Variants in EP300 observed in about 807,000 individuals in gnomAD.
The protein encoded by EP300 is histone acetyltransferase p300.
EP300 carries 31 observed loss-of-function variants against 264.0 expected under a neutral mutation model. The ratio of observed to expected loss-of-function variants is 0.12; its 90% CI spans 0.09 to 0.16. The LOEUF is 0.16. Among genes scored for constraint, EP300 ranks in the 10% least tolerant of loss-of-function variants. EP300 has a pLI of 1.00. For synonymous variants in EP300, 1,340 were observed against 1,045.4 expected (o/e 1.28, Z -5.44); for missense variants, 2,766 against 3,052.9 (o/e 0.91, Z 2.21).
chr22:41,109,884 G>T (rs1212462745), intron 1 of EP300, among the ~76,000 whole-genome samples: 1 of 151,490 alleles, frequency 6.6e-6, no homozygotes, highest in East Asian at 1.9e-4. Flanking sequence ...CGTGATCTCA[G>T]CTAAACGGAA....
chr22:41,115,593 C>G (rs1222020067), intron 1 of EP300, among the ~76,000 whole-genome samples: 1 of 152,156 alleles, frequency 6.6e-6, no homozygotes, highest in South Asian at 2.1e-4. Flanking sequence ...CCACCACACC[C>G]AGCCGACTTT....
intron 2 of EP300, among the ~76,000 whole-genome samples, chr22:41,121,481 G>A (rs1268165952): frequency 1.3e-5 from 2 of 152,146 alleles, no homozygotes; most frequent in Non-Finnish European, 2.9e-5. Flanking sequence ...ATCTGTGTGG[G>A]AGATGGAAAA....
At chr22:41,117,848 C>T (rs749273177) in intron 2 of EP300, 27 bp downstream of exon 2, 1 of 1,612,948 alleles carries the variant, frequency 6.2e-7, no homozygotes, top group Non-Finnish European at 8.5e-7. Context: ...TTTGTGTGCA[C>T]AATCGGCATG....
At position 41,176,753 on chromosome 22, in the gene EP300, A is replaced by T. The variant is rs776301376; in HGVS notation, c.5062-20A>T. 6.2e-7 allele frequency: 1 copy of T among 1,613,738 alleles called. No homozygotes were observed. The highest frequency in any genetic ancestry group is 8.5e-7 in the Non-Finnish European group (1 of 1,180,026). On this transcript the variant is annotated intron_variant, in intron 30 of 30. Transcript: ENST00000263253. Reference sequence around the variant, plus strand: ...CTTAAATCTTGGAGAGTTTACGTGCACCTCCTGTTTTTTCCCTAGGATTAT... The same window carrying T: ...CTTAAATCTTGGAGAGTTTACGTGCTCCTCCTGTTTTTTCCCTAGGATTAT...
intron 1 of EP300, among the ~76,000 whole-genome samples, chr22:41,098,435 G>A (rs989908492): frequency 1.1e-4 from 17 of 152,234 alleles, no homozygotes; most frequent in Non-Finnish European, 2.4e-4. Flanking sequence ...GCAGTGGCGC[G>A]ATCTCGGGTC....
rs1199436663 is a variant in EP300, at chr22:41,173,805, G to GT, written c.4779+23dup. Reference sequence around the variant, plus strand: ...AAGAGGTAAGATGCAGCCACCCAGAGTTGGGGAAAAACGGCAAGATTTCTG... The same window carrying GT: ...AAGAGGTAAGATGCAGCCACCCAGAGTTTGGGGAAAAACGGCAAGATTTCTG... On this transcript the variant is annotated intron_variant, in intron 29 of 30. Transcript: ENST00000263253. The GT allele has an allele frequency of 1.9e-6, 3 of 1,613,736 alleles. No individual in the cohort carries two copies. The South Asian group carries it at 3.3e-5, about 18-fold the overall frequency.
At position 41,167,820 on chromosome 22, in the gene EP300, T is replaced by G. The variant is rs866257741; in HGVS notation, c.3875-629T>G. Among the ~76,000 whole-genome samples the G allele has an allele frequency of 7.7e-3, 341 of 44,178 alleles. 6 individuals are homozygous for G. The highest frequency in any genetic ancestry group is 0.03 in the African/African-American group (324 of 10,874). 29.0% of individuals were successfully genotyped at this position (44,178 alleles called of 152,430 possible). On this transcript the variant is annotated intron_variant, in intron 23 of 30. Transcript: ENST00000263253. ...TCTATTTCTGTTTGTTTTTGTTTTTTTTTTTGTTTTTTTTTTTTTTTTTTT... is the reference window on the plus strand; with the variant it reads ...TCTATTTCTGTTTGTTTTTGTTTTTGTTTTTGTTTTTTTTTTTTTTTTTTT...
At chr22:41,175,793 G>T (rs542064746) in intron 29 of EP300, among the ~76,000 whole-genome samples, 3 of 152,200 alleles carry the variant, frequency 2.0e-5, no homozygotes. Flanking sequence ...AGGAGTTACT[G>T]AATGAAGGAG....
chr22:41,137,353 T>G lies in EP300; in HGVS notation c.1623-300T>G, dbSNP rs1318140985. Reference sequence around the variant, plus strand: ...GCCTGGGCAACAGAGCAAGACTTTGTCTCAAAAAAAAAAAAAAAAAAAAGG... The same window carrying G: ...GCCTGGGCAACAGAGCAAGACTTTGGCTCAAAAAAAAAAAAAAAAAAAAGG... On this transcript the variant is annotated intron_variant, in intron 7 of 30. Transcript: ENST00000263253. Among the ~76,000 whole-genome samples the G allele has an allele frequency of 1.4e-4, 10 of 70,042 alleles. 1 individual carries two copies. In the Admixed American group the frequency reaches 2.2e-3, roughly 15 times the overall value. The allele number at this position is 70,042 out of a possible 152,430, so 46.0% of individuals were successfully genotyped here.
chr22:41,162,768 G>A lies in EP300; in HGVS notation c.3717G>A (p.Leu1239=). 6.2e-7 allele frequency: 1 copy of A among 1,612,668 alleles called. No individual in the cohort carries two copies. The highest frequency in any genetic ancestry group is 8.5e-7 in the Non-Finnish European group (1 of 1,178,830). The change falls in exon 21 of 31, where the codon CTG becomes CTA. Residue 1239 remains leucine, a synonymous_variant. Transcript: ENST00000263253. ...TTTCCAAGAGAAAAAATGACACACTGGATCCTGAACTGTAAGTACGATCCC... is the reference window on the plus strand; with the variant it reads ...TTTCCAAGAGAAAAAATGACACACTAGATCCTGAACTGTAAGTACGATCCC... The part of the protein sequence containing the change: ...EQFSKRKNDT[L]DPELFVECTE...
intron 7 of EP300, among the ~76,000 whole-genome samples, chr22:41,136,610 G>A (rs1030745102): frequency 3.3e-5 from 5 of 152,188 alleles, no homozygotes; most frequent in Admixed American, 2.0e-4. Context: ...CTGGTGAGCC[G>A]TGATTACACC....
intron 6 of EP300, among the ~76,000 whole-genome samples, 184 bp downstream of exon 6, chr22:41,131,817 T>C (rs1016042045): frequency 1.3e-5 from 2 of 152,188 alleles, no homozygotes; most frequent in African/African-American, 4.8e-5. Flanking sequence ...CTGGTTTGTA[T>C]CTTCCTTGAT....
At chr22:41,139,650 A>T (rs1346954559) in intron 8 of EP300, among the ~76,000 whole-genome samples, 3 of 152,192 alleles carry the variant, frequency 2.0e-5, no homozygotes, top group Non-Finnish European at 4.4e-5. Context: ...ACTGAATCTA[A>T]CAGAATCATT....
chr22:41,098,652 T>G (rs1047038651), intron 1 of EP300, among the ~76,000 whole-genome samples: 1 of 152,190 alleles, frequency 6.6e-6, no homozygotes, highest in African/African-American at 2.4e-5. Flanking sequence ...ATTACAGGCG[T>G]GAGCCATAGC....
rs757325753 is a variant in EP300 at position 41,177,151 on chromosome 22, C to T, written c.5440C>T (p.Arg1814Trp). The T allele has an allele frequency of 8.7e-6, 14 of 1,613,950 alleles. No homozygotes were observed. Among genetic ancestry groups the T allele is most frequent in the African/African-American group, 1.3e-5 (1 of 74,870 alleles). ...CTGCCTAAACATCAAGCAGAAGCTC[C>T]GGCAGCAACAGCTGCAGCACCGACT... is the stretch of plus-strand genomic sequence containing the variant. ...PFCLNIKQKL[R>W]QQQLQHRLQQ... Residue 1814 changes from arginine (R) to tryptophan (W), a missense_variant, in exon 31 of 31, where the codon CGG becomes TGG. Coordinates refer to ENST00000263253, the MANE Select transcript of EP300 (RefSeq NM_001429.4).
intron 6 of EP300, among the ~76,000 whole-genome samples, chr22:41,132,548 A>C (rs1261922442): frequency 1.3e-5 from 2 of 152,042 alleles, no homozygotes; most frequent in African/African-American, 4.8e-5. Flanking sequence ...GGGCCTCCCA[A>C]AATGCTGGGA....
chr22:41,146,869 A>G, intron 11 of EP300, 53 bp downstream of exon 11: 28 of 1,481,428 alleles, frequency 1.9e-5, no homozygotes, highest in Admixed American at 7.0e-5. Flanking sequence ...GTGTACTGCA[A>G]GATAATACTT....
At chr22:41,103,032 T>C (rs1301687725) in intron 1 of EP300, among the ~76,000 whole-genome samples, 1 of 152,082 alleles carries the variant, frequency 6.6e-6, no homozygotes, top group African/African-American at 2.4e-5. Flanking sequence ...GTATTTTTAG[T>C]AGAGATGGGG....
Position 41,178,127 on chromosome 22 carries a change from G to A in EP300, c.6416G>A (p.Gly2139Asp). 1 of 1,614,130 alleles carries A rather than the reference G, an allele frequency of 6.2e-7. No individual in the cohort carries two copies. The highest frequency in any genetic ancestry group is 8.5e-7 in the Non-Finnish European group (1 of 1,180,006). Residue 2139 changes from glycine (G) to aspartate (D), a missense_variant, in exon 31 of 31, where the codon GGC becomes GAC. By Grantham distance (94) the Gly-to-Asp change is moderately conservative. Transcript: ENST00000263253. ...CAGAACATGAATCCAATGCAGGCGG[G>A]CGTTCAGAGGGCTGGCCTGCCCCAG... ...AMQNMNPMQA[G>D]VQRAGLPQQQ...
Sources: allele counts gnomAD v4.1 joint callset (sites outside exome capture counted in the v4.1 genomes callset), GRCh38; gene constraint gnomAD v4.1.1; transcripts MANE v1.5; gene names NCBI Gene and HGNC (gene_info 2026-07-23, HGNC 2026-07-21).